The following NTRK2 variants were observed in gnomAD, a reference collection of about 807,000 sequenced individuals.
NTRK2 encodes the protein neurotrophic receptor tyrosine kinase 2.
Under a neutral mutation model 94.5 loss-of-function variants are expected in NTRK2, and 13 were observed. The ratio of observed to expected loss-of-function variants is 0.14; its 90% CI spans 0.09 to 0.22. The LOEUF is 0.22. NTRK2 is among the 10% of genes least tolerant of loss of function. The pLI is 1.00. For synonymous variants in NTRK2, 372 were observed against 407.4 expected, an observed-to-expected ratio of 0.91 and a Z score of 1.05; for missense variants, 639 against 1,071.2, an observed-to-expected ratio of 0.60 and a Z score of 5.63.
intron 12 of NTRK2, among the ~76,000 whole-genome samples, chr9:84,845,327 T>G (rs779858734): frequency 2.6e-5 from 4 of 152,060 alleles, no homozygotes; most frequent in Non-Finnish European, 5.9e-5. Context: ...CTATTGCTAT[T>G]GGCTTCTATT....
At chr9:84,755,202 C>A (rs1469810367) in intron 12 of NTRK2, among the ~76,000 whole-genome samples, 1 of 152,174 alleles carries the variant, frequency 6.6e-6, no homozygotes, top group African/African-American at 2.4e-5. Context: ...GGTCTGTAAG[C>A]TTCGTCGGGT....
At chr9:84,791,052 A>G (rs902602394) in intron 12 of NTRK2, among the ~76,000 whole-genome samples, 1 of 152,222 alleles carries the variant, frequency 6.6e-6, no homozygotes, top group African/African-American at 2.4e-5. Context: ...TTTTTAGAAT[A>G]AAGATTCTCT....
At chr9:84,819,849 C>T (rs1376448304) in intron 12 of NTRK2, among the ~76,000 whole-genome samples, 6 of 152,152 alleles carry the variant, frequency 3.9e-5, no homozygotes, top group Non-Finnish European at 7.3e-5. Flanking sequence ...TGCCTATTTC[C>T]TGTTTGTTTC....
chr9:84,730,635 G>C (rs1244698498), intron 9 of NTRK2, among the ~76,000 whole-genome samples: 1 of 138,184 alleles, frequency 7.2e-6, no homozygotes, highest in East Asian at 2.1e-4. Flanking sequence ...AGCTACTCGG[G>C]GAGGCTGAGG....
At chr9:84,729,197 A>G (rs112292422) in intron 9 of NTRK2, among the ~76,000 whole-genome samples, 262 of 152,294 alleles carry the variant, frequency 1.7e-3, no homozygotes, top group African/African-American at 5.7e-3. Flanking sequence ...ATAAGTTCCT[A>G]TTATTTTGCT....
intron 2 of NTRK2, among the ~76,000 whole-genome samples, chr9:84,674,002 CT>C (rs1165059348): frequency 2.0e-5 from 3 of 152,200 alleles, no homozygotes; most frequent in Non-Finnish European, 4.4e-5. Context: ...AATTATGTAA[CT>C]GGCCGTTTAA....
At chr9:84,996,625 G>A (rs997998258) in intron 17 of NTRK2, among the ~76,000 whole-genome samples, 2 of 152,188 alleles carry the variant, frequency 1.3e-5, no homozygotes, top group African/African-American at 2.4e-5. Flanking sequence ...CAGTTGCTGG[G>A]GTAGCGAGCC....
In NTRK2 at chr9:84,727,003, A is replaced by C. The variant is rs563902551; in HGVS notation, c.854-651A>C. 7.2e-5 allele frequency among the ~76,000 whole-genome samples: 11 copies of C among 152,338 alleles called. No individual in the cohort carries two copies. The South Asian group carries it at 1.9e-3, about 26-fold the overall frequency. ...CCCCAAACATTTAAAAGATCTAAAC[A>C]TTGGCATCTAGGATCCTAGCAAAAA... On this transcript the variant is annotated intron_variant, in intron 8 of 18. Coordinates refer to ENST00000277120, the MANE Select transcript of NTRK2 (RefSeq NM_006180.6).
intron 12 of NTRK2, among the ~76,000 whole-genome samples, chr9:84,766,671 C>T (rs1313331598): frequency 6.6e-6 from 1 of 151,672 alleles, no homozygotes; most frequent in East Asian, 1.9e-4. Flanking sequence ...ACACTCAACA[C>T]ACAAACACAC....
chr9:85,021,277 G>A lies in NTRK2; in HGVS notation c.2357G>A (p.Arg786Gln), dbSNP rs201491838. ...NEVIECITQGRVLQRPRTCPQ... is the reference protein window; with the variant it reads ...NEVIECITQGQVLQRPRTCPQ... Reference sequence around the variant, plus strand: ...GTGATAGAGTGTATCACTCAGGGCCGAGTCCTGCAGCGACCCCGCACGTGC... The same window carrying A: ...GTGATAGAGTGTATCACTCAGGGCCAAGTCCTGCAGCGACCCCGCACGTGC... Residue 786 changes from arginine (R) to glutamine (Q), a missense_variant, in exon 19 of 19, where the codon CGA (arginine) becomes CAA (glutamine). By Grantham distance (43) the Arg-to-Gln change is conservative. Transcript: ENST00000277120. 3.7e-6 allele frequency: 6 copies of A among 1,613,852 alleles called. No homozygotes were observed. Among genetic ancestry groups the A allele is most frequent in the Middle Eastern group, 3.3e-4 (2 of 6,084 alleles).
intron 6 of NTRK2, among the ~76,000 whole-genome samples, chr9:84,715,520 C>T (rs1443852752): frequency 6.6e-6 from 1 of 152,132 alleles, no homozygotes; most frequent in African/African-American, 2.4e-5. Context: ...AGTGGTGGTT[C>T]ATTTCTTCAA....
In NTRK2 at chr9:85,022,270, A is replaced by G. The variant is rs1164496909; in HGVS notation, c.*833A>G. 1 of 233,128 alleles carries G rather than the reference A, an allele frequency of 4.3e-6. No individual in the cohort carries two copies. Among genetic ancestry groups the G allele is most frequent in the Non-Finnish European group, 8.5e-6 (1 of 118,032 alleles). 14.4% of individuals were successfully genotyped at this position (233,128 alleles called of 1,614,324 possible). ...ACTACTGGCCTCTGTGCCATGGATGATTCTTTTCCCATCACCAGAAATGAT... is the reference window on the plus strand; with the variant it reads ...ACTACTGGCCTCTGTGCCATGGATGGTTCTTTTCCCATCACCAGAAATGAT... On this transcript the variant is annotated 3_prime_UTR_variant, in exon 19 of 19. Coordinates refer to ENST00000277120, the MANE Select transcript of NTRK2 (RefSeq NM_006180.6).
At chr9:84,983,430 A>G (rs150121070) in intron 17 of NTRK2, among the ~76,000 whole-genome samples, 3 of 152,302 alleles carry the variant, frequency 2.0e-5, no homozygotes, top group African/African-American at 7.2e-5. Flanking sequence ...GGCCTTCACA[A>G]TTATTTTAAT....
At chr9:84,836,282 T>G (rs1428723307) in intron 12 of NTRK2, among the ~76,000 whole-genome samples, 1 of 152,172 alleles carries the variant, frequency 6.6e-6, no homozygotes, top group Non-Finnish European at 1.5e-5. Flanking sequence ...CAGCTCTTCC[T>G]ATGATCTGCC....
At chr9:84,719,906 G>A (rs2131964607) in intron 6 of NTRK2, among the ~76,000 whole-genome samples, 1 of 151,188 alleles carries the variant, frequency 6.6e-6, no homozygotes, top group East Asian at 2.0e-4. Flanking sequence ...CATTATCCCA[G>A]CTACTCAGGA....
At chr9:84,721,871 A>G (rs921550972) in intron 6 of NTRK2, among the ~76,000 whole-genome samples, 11 of 152,206 alleles carry the variant, frequency 7.2e-5, no homozygotes, top group Non-Finnish European at 1.5e-4. Context: ...TTGAAAAACA[A>G]AATTAAGTAT....
Position 84,934,274 on chromosome 9 carries a change from G to A in NTRK2, c.1746G>A (p.Lys582=), listed in dbSNP as rs2132720829. 6.2e-7 allele frequency: 1 copy of A among 1,614,028 alleles called. No homozygotes were observed. Among genetic ancestry groups the A allele is most frequent in the Non-Finnish European group, 8.5e-7 (1 of 1,179,896 alleles). Residue 582 remains lysine, a synonymous_variant, in exon 15 of 19, where the codon AAG becomes AAA. Transcript: ENST00000277120. Reference sequence around the variant, plus strand: ...ATAACCTCTGTCCTGAGCAGGACAAGATCTTGGTGGCAGTGAAGGTAAGAG... The same window carrying A: ...ATAACCTCTGTCCTGAGCAGGACAAAATCTTGGTGGCAGTGAAGGTAAGAG... ...ECYNLCPEQD[K]ILVAVKTLKD... is the part of the protein sequence containing the mutation.
At chr9:84,845,385 A>G (rs544380599) in intron 12 of NTRK2, among the ~76,000 whole-genome samples, 1 of 152,314 alleles carries the variant, frequency 6.6e-6, no homozygotes, top group East Asian at 1.9e-4. Flanking sequence ...AATGGCTGTT[A>G]TAATTTCTTG....
intron 17 of NTRK2, among the ~76,000 whole-genome samples, chr9:84,992,704 A>G (rs1402877935): frequency 1.3e-5 from 2 of 152,008 alleles, no homozygotes; most frequent in Non-Finnish European, 2.9e-5. Context: ...GCTTAGTCTA[A>G]TCTGATTTAA....
Sources: allele counts gnomAD v4.1 joint callset (sites outside exome capture counted in the v4.1 genomes callset), GRCh38; gene constraint gnomAD v4.1.1; transcripts MANE v1.5; gene names NCBI Gene and HGNC (gene_info 2026-07-23, HGNC 2026-07-21).